The following GABRB1 variants were observed in gnomAD, a reference collection of about 807,000 sequenced individuals.
GABRB1 encodes the protein gamma-aminobutyric acid type A receptor subunit beta1.
Under a neutral mutation model 51.6 loss-of-function variants are expected in GABRB1, and 17 were observed. That is an observed-to-expected ratio of 0.33 (90% CI 0.23 to 0.49). The LOEUF (loss-of-function observed/expected upper bound fraction) is 0.49, where lower values mean the gene tolerates loss of function less well. Ranked by LOEUF, GABRB1 falls within the 20% of genes least tolerant of loss-of-function variation. GABRB1 has a pLI of 0.99. For missense variants in GABRB1, 410 were observed against 600.6 expected (o/e 0.68, Z 3.32); for synonymous variants, 247 against 218.9 (o/e 1.13, Z -1.14).
chr4:47,070,595 G>A (rs1000035562), intron 3 of GABRB1, among the ~76,000 whole-genome samples: 2 of 152,100 alleles, frequency 1.3e-5, no homozygotes, highest in African/African-American at 4.8e-5. Flanking sequence ...ACCTCCCAAA[G>A]TGCTGGGATT....
At chr4:47,179,355 T>C (rs1231729900) in intron 4 of GABRB1, among the ~76,000 whole-genome samples, 1 of 152,128 alleles carries the variant, frequency 6.6e-6, no homozygotes, top group Non-Finnish European at 1.5e-5. Flanking sequence ...AGTTCAAACA[T>C]TGTGGAAGAC....
intron 3 of GABRB1, among the ~76,000 whole-genome samples, chr4:47,102,765 T>A (rs1189665105): frequency 1.3e-5 from 2 of 151,828 alleles, no homozygotes; most frequent in Non-Finnish European, 2.9e-5. Flanking sequence ...ACTTAAAGCA[T>A]CAGAGTAGGA....
chr4:47,058,005 G>T (rs1421436407), intron 3 of GABRB1, among the ~76,000 whole-genome samples: 1 of 152,136 alleles, frequency 6.6e-6, no homozygotes, highest in Non-Finnish European at 1.5e-5. Context: ...CTGAAGTCTG[G>T]AGACCACAAA....
rs560794638 is a variant in GABRB1 at position 47,390,011 on chromosome 4, C to T, written c.545-13307C>T. On this transcript the variant is annotated intron_variant, in intron 5 of 8. Coordinates refer to ENST00000295454, the MANE Select transcript of GABRB1 (RefSeq NM_000812.4). Reference sequence around the variant, plus strand: ...AAACAGGAAGGAAACATACTGGCTCCTGTAAGGACCAGGTACTCTCCACTC... The same window carrying T: ...AAACAGGAAGGAAACATACTGGCTCTTGTAAGGACCAGGTACTCTCCACTC... 1.2e-4 allele frequency among the ~76,000 whole-genome samples: 19 copies of T among 152,320 alleles called. No homozygotes were observed. In the South Asian group the frequency reaches 3.3e-3, roughly 27 times the overall value.
intron 5 of GABRB1, among the ~76,000 whole-genome samples, chr4:47,348,584 A>G (rs1156344656): frequency 6.6e-6 from 1 of 152,218 alleles, no homozygotes; most frequent in Non-Finnish European, 1.5e-5. Context: ...CAAAATCTGA[A>G]AAATTCCAAA....
In GABRB1 at chr4:47,228,481, A is replaced by C. The variant is rs531007681; in HGVS notation, c.461+67012A>C. 1.1e-4 allele frequency among the ~76,000 whole-genome samples: 17 copies of C among 152,252 alleles called. No individual in the cohort carries two copies. In the East Asian group the frequency reaches 3.3e-3, roughly 29 times the overall value. ...TCTGTTTCTCGTTGGTGAGAAATGC[A>C]AGATGTAATAATCTCTTTAATTTTG... is the stretch of plus-strand genomic sequence containing the variant. On this transcript the variant is annotated intron_variant, in intron 4 of 8. Transcript: ENST00000295454.
intron 4 of GABRB1, among the ~76,000 whole-genome samples, chr4:47,176,377 A>C (rs1003869454): frequency 6.6e-6 from 1 of 152,126 alleles, no homozygotes; most frequent in African/African-American, 2.4e-5. Context: ...TGATTTGCTC[A>C]TAGTTTAGAT....
At chr4:47,111,502 G>T (rs976134939) in intron 3 of GABRB1, among the ~76,000 whole-genome samples, 1 of 152,044 alleles carries the variant, frequency 6.6e-6, no homozygotes, top group African/African-American at 2.4e-5. Flanking sequence ...GAGGACAGTA[G>T]AATTTTAAAC....
At chr4:47,118,525 G>T (rs1253194096) in intron 3 of GABRB1, among the ~76,000 whole-genome samples, 1 of 152,092 alleles carries the variant, frequency 6.6e-6, no homozygotes, top group Non-Finnish European at 1.5e-5. Context: ...TTACTATCTT[G>T]TTCACTGAAA....
At chr4:47,383,223 T>C in intron 5 of GABRB1, among the ~76,000 whole-genome samples, 1 of 152,212 alleles carries the variant, frequency 6.6e-6, no homozygotes, top group East Asian at 1.9e-4. Flanking sequence ...CATGCCATAT[T>C]TGAAGACAGC....
chr4:47,187,996 T>C (rs1719258167), intron 4 of GABRB1, among the ~76,000 whole-genome samples: 1 of 151,940 alleles, frequency 6.6e-6, no homozygotes, highest in African/African-American at 2.4e-5. Flanking sequence ...TACCCTGATT[T>C]GTTTTTCATC....
chr4:47,297,827 A>G (rs867576423), intron 4 of GABRB1, among the ~76,000 whole-genome samples: 102 of 152,302 alleles, frequency 6.7e-4, no homozygotes, highest in African/African-American at 2.3e-3. Flanking sequence ...TTAGACCAAT[A>G]TCCTTGATGA....
intron 3 of GABRB1, among the ~76,000 whole-genome samples, chr4:47,096,140 T>C (rs1185493954): frequency 2.0e-5 from 3 of 152,220 alleles, no homozygotes; most frequent in Non-Finnish European, 4.4e-5. Context: ...ATCTCCTCCT[T>C]TTGTGCTCAT....
At chr4:47,287,183 G>A (rs1289753244) in intron 4 of GABRB1, among the ~76,000 whole-genome samples, 1 of 152,192 alleles carries the variant, frequency 6.6e-6, no homozygotes, top group Non-Finnish European at 1.5e-5. Context: ...GAATTCAGGT[G>A]CTGAGGTTCT....
intron 4 of GABRB1, among the ~76,000 whole-genome samples, chr4:47,260,003 A>G (rs866302311): frequency 6.6e-6 from 1 of 152,006 alleles, no homozygotes; most frequent in Non-Finnish European, 1.5e-5. Flanking sequence ...TATGAATCTG[A>G]TGCTCCTGTA....
At chr4:47,262,377 G>A (rs1722474733) in intron 4 of GABRB1, among the ~76,000 whole-genome samples, 1 of 152,038 alleles carries the variant, frequency 6.6e-6, no homozygotes, top group South Asian at 2.1e-4. Context: ...TCAAAAAGTG[G>A]GCAAAGGATA....
intron 3 of GABRB1, among the ~76,000 whole-genome samples, chr4:47,140,717 A>G (rs754371323): frequency 1.1e-4 from 16 of 150,060 alleles, no homozygotes; most frequent in Non-Finnish European, 1.9e-4. Context: ...GTATACCTTA[A>G]CCATTATTTA....
intron 5 of GABRB1, among the ~76,000 whole-genome samples, chr4:47,327,481 A>G (rs1560335181): frequency 6.6e-6 from 1 of 152,220 alleles, no homozygotes; most frequent in Non-Finnish European, 1.5e-5. Context: ...GTGTAATGAA[A>G]CTATGAATTT....
chr4:47,238,205 T>C (rs1193767421), intron 4 of GABRB1, among the ~76,000 whole-genome samples: 1 of 151,844 alleles, frequency 6.6e-6, no homozygotes, highest in Non-Finnish European at 1.5e-5. Context: ...AATAAAAGAA[T>C]GAGGAAAACA....
Sources: allele counts gnomAD v4.1 joint callset (sites outside exome capture counted in the v4.1 genomes callset), GRCh38; gene constraint gnomAD v4.1.1; transcripts MANE v1.5; gene names NCBI Gene and HGNC (gene_info 2026-07-23, HGNC 2026-07-21).